FRAS1: variants seen among roughly 807,000 people sequenced by gnomAD.
The protein encoded by FRAS1 is Fraser extracellular matrix complex subunit 1, also known as extracellular matrix organizing protein FRAS1.
FRAS1 carries 290 observed loss-of-function variants against 435.2 expected under a neutral mutation model. That is an observed-to-expected ratio of 0.67 (90% CI 0.61 to 0.73). The LOEUF is 0.73. Among genes scored for constraint, FRAS1 ranks in the 30% least tolerant of loss-of-function variants. The pLI, the probability that FRAS1 is intolerant of heterozygous loss-of-function variation, is 0.00. For missense variants in FRAS1, 4,860 were observed against 5,001.5 expected, an observed-to-expected ratio of 0.97 and a Z score of 0.85; for synonymous variants, 1,800 against 1,851.0, an observed-to-expected ratio of 0.97 and a Z score of 0.71.
chr4:78,061,940 G>T (rs1014544184), intron 1 of FRAS1, among the ~76,000 whole-genome samples: 1 of 152,142 alleles, frequency 6.6e-6, no homozygotes. Context: ...TTGTAACTTT[G>T]CATCCTTTGG....
At chr4:78,271,060 T>C (rs2110161253) in intron 9 of FRAS1, among the ~76,000 whole-genome samples, 1 of 152,336 alleles carries the variant, frequency 6.6e-6, no homozygotes, top group South Asian at 2.1e-4. Context: ...TAAAAATCCA[T>C]CTATAATGCT....
At chr4:78,095,346 A>G (rs547924827) in intron 2 of FRAS1, among the ~76,000 whole-genome samples, 2 of 152,328 alleles carry the variant, frequency 1.3e-5, no homozygotes, top group South Asian at 4.1e-4. Context: ...AAATTTGAGC[A>G]TATTTTCCCC....
At chr4:78,503,660 A>T (rs1215053706) in intron 61 of FRAS1, among the ~76,000 whole-genome samples, 3 of 152,088 alleles carry the variant, frequency 2.0e-5, no homozygotes, top group African/African-American at 4.8e-5. Context: ...TTTTCAAAAA[A>T]CCAGCTTCTG....
At chr4:78,395,966 T>C (rs1237615420) in intron 29 of FRAS1, among the ~76,000 whole-genome samples, 1 of 151,428 alleles carries the variant, frequency 6.6e-6, no homozygotes, top group East Asian at 1.9e-4. Flanking sequence ...GATTTGATGA[T>C]TTTTTTTTGT....
At chr4:78,276,391 C>T (rs1727036424) in intron 9 of FRAS1, among the ~76,000 whole-genome samples, 1 of 152,196 alleles carries the variant, frequency 6.6e-6, no homozygotes, top group Non-Finnish European at 1.5e-5. Context: ...TAGAGGTGCT[C>T]TGATTTTTAA....
At chr4:78,316,337 C>G (rs1017446618) in intron 16 of FRAS1, among the ~76,000 whole-genome samples, 3 of 152,206 alleles carry the variant, frequency 2.0e-5, no homozygotes, top group Non-Finnish European at 2.9e-5. Context: ...CCTGGGACAT[C>G]TTGATCTCCC....
At chr4:78,483,380 G>A (rs909785232) in intron 58 of FRAS1, among the ~76,000 whole-genome samples, 3 of 152,124 alleles carry the variant, frequency 2.0e-5, no homozygotes, top group African/African-American at 4.8e-5. Flanking sequence ...AAGAATTGAC[G>A]AAATTAGAAT....
intron 2 of FRAS1, among the ~76,000 whole-genome samples, chr4:78,193,006 A>G (rs540186610): frequency 1.3e-5 from 2 of 152,216 alleles, no homozygotes; most frequent in African/African-American, 4.8e-5. Flanking sequence ...GAACATCTTT[A>G]TTTCTGCCTT....
At position 78,537,039 on chromosome 4, in the gene FRAS1, C is replaced by T; in HGVS notation, c.11137C>T (p.Leu3713Phe). 6.2e-7 allele frequency: 1 copy of T among 1,614,002 alleles called. No homozygotes were observed. Among genetic ancestry groups the T allele is most frequent in the Non-Finnish European group, 8.5e-7 (1 of 1,179,882 alleles). The change falls in exon 72 of 74, where the codon CTT becomes TTT. Residue 3713 changes from leucine to phenylalanine, a missense_variant. Coordinates refer to ENST00000512123, the MANE Select transcript of FRAS1 (RefSeq NM_025074.7). The part of the protein sequence containing the change: ...GRVLWNPEQN[L>F]NSAYKLQLEK... ...AGTACTTTGGAATCCAGAACAAAAT[C>T]TTAATTCTGCTTACAAACTCCAGCT...
chr4:78,092,424 G>A (rs936145989), intron 2 of FRAS1, among the ~76,000 whole-genome samples: 2 of 152,304 alleles, frequency 1.3e-5, no homozygotes, highest in Middle Eastern at 6.8e-3. Flanking sequence ...GCAAGGAGGA[G>A]CAAGTCACAT....
At chr4:78,393,371 A>G (rs1354300839) in intron 29 of FRAS1, among the ~76,000 whole-genome samples, 1 of 150,984 alleles carries the variant, frequency 6.6e-6, no homozygotes, top group Non-Finnish European at 1.5e-5. Flanking sequence ...CATAAGGGTT[A>G]CATAAAATAT....
At chr4:78,323,711 G>A (rs1358746973) in intron 18 of FRAS1, among the ~76,000 whole-genome samples, 1 of 152,106 alleles carries the variant, frequency 6.6e-6, no homozygotes. Context: ...GGCAGCCCAG[G>A]GATGGACAGA....
Position 78,331,354 on chromosome 4 carries a change from T to C in FRAS1, c.2138-1918T>C, listed in dbSNP as rs74476903. On this transcript the variant is annotated intron_variant, in intron 18 of 73. Transcript: ENST00000512123. ...CAGGAGCAGAGTCCTGGGAATCTCC[T>C]GGTATGGGTATTAGCCTGTAGGTGT... Among the ~76,000 whole-genome samples the C allele has an allele frequency of 2.8e-4, 42 of 152,186 alleles. No individual in the cohort carries two copies. In the East Asian group the frequency reaches 7.9e-3, roughly 29 times the overall value.
At chr4:78,083,790 T>C (rs2109881089) in intron 2 of FRAS1, among the ~76,000 whole-genome samples, 1 of 152,176 alleles carries the variant, frequency 6.6e-6, no homozygotes, top group South Asian at 2.1e-4. Flanking sequence ...CACCTAATAT[T>C]GTTAGCACCA....
chr4:78,326,730 A>AG (rs1729733380), intron 18 of FRAS1, among the ~76,000 whole-genome samples: 1 of 152,230 alleles, frequency 6.6e-6, no homozygotes, highest in South Asian at 2.1e-4. Context: ...GAGTAAGAAA[A>AG]GGAAGGATAA....
chr4:78,274,659 AT>A (rs1726901853), intron 9 of FRAS1, among the ~76,000 whole-genome samples: 1 of 152,044 alleles, frequency 6.6e-6, no homozygotes. Flanking sequence ...TTCTAGTTTG[AT>A]TGCACTGTGG....
chr4:78,059,855 G>T (rs574643355), intron 1 of FRAS1, among the ~76,000 whole-genome samples: 1 of 125,974 alleles, frequency 7.9e-6, no homozygotes, highest in Non-Finnish European at 1.6e-5. Flanking sequence ...GGGATGGGGG[G>T]ATGTGAAGCA....
intron 47 of FRAS1, among the ~76,000 whole-genome samples, chr4:78,455,425 G>GC (rs201436129): frequency 1.2e-4 from 18 of 151,812 alleles, no homozygotes; most frequent in African/African-American, 4.1e-4. Flanking sequence ...TGAGGAGGGA[G>GC]GGGGTTCTGT....
At chr4:78,538,235 T>G (rs1721940600) in intron 72 of FRAS1, among the ~76,000 whole-genome samples, 1 of 152,236 alleles carries the variant, frequency 6.6e-6, no homozygotes. Context: ...AATGAATTAA[T>G]AAGTAAACAC....
Sources: gnomAD v4.1 joint callset for allele counts (sites outside exome capture counted in the v4.1 genomes callset) on GRCh38, gnomAD v4.1.1 for gene constraint, MANE v1.5 for transcripts, NCBI Gene and HGNC (gene_info 2026-07-23, HGNC 2026-07-21) for gene names.